LYST: variants seen among roughly 807,000 people sequenced by gnomAD.
LYST encodes lysosomal-trafficking regulator.
In LYST, 192 loss-of-function variants were observed where a neutral mutation model predicts 413.6. The ratio of observed to expected loss-of-function variants is 0.46; its 90% CI spans 0.41 to 0.52. LYST has a LOEUF of 0.52. Among genes scored for constraint, LYST ranks in the 20% least tolerant of loss-of-function variants. The pLI, the probability that LYST is intolerant of heterozygous loss-of-function variation, is 0.00. For synonymous variants in LYST, 1,525 were observed against 1,567.3 expected (o/e 0.97, Z 0.64); for missense variants, 3,815 against 4,499.9 (o/e 0.85, Z 4.35).
chr1:235,775,141 T>C (rs1572218507), intron 17 of LYST, 55 bp from the exon 18 acceptor site: 7 of 1,286,530 alleles, frequency 5.4e-6, no homozygotes, highest in East Asian at 2.3e-5. Context: ...AGAGTAAAAA[T>C]TTAACATGTA....
upstream of LYST, among the ~76,000 whole-genome samples, chr1:235,870,924 A>G (rs558660953): frequency 6.6e-5 from 10 of 152,354 alleles, no homozygotes; most frequent in East Asian, 1.9e-3. Flanking sequence ...GGGAACAGAA[A>G]TGGATTTGTG....
In LYST at chr1:235,760,326, G is replaced by A. The variant is rs1022747242; in HGVS notation, c.6254-727C>T. 2.3e-3 allele frequency among the ~76,000 whole-genome samples: 343 copies of A among 152,230 alleles called. 1 individual carries two copies. Among genetic ancestry groups the A allele is most frequent in the African/African-American group, 7.7e-3 (320 of 41,552 alleles). On this transcript the variant is annotated intron_variant, in intron 22 of 52. Transcript: ENST00000389793. Reference sequence around the variant, plus strand: ...GCATAGAGCTCAACATATAACAGGTGCTCAAAAAATGGTAGTACTTGTTGT... The same window carrying A: ...GCATAGAGCTCAACATATAACAGGTACTCAAAAAATGGTAGTACTTGTTGT...
At chr1:235,729,854 G>T (rs943010801) in intron 36 of LYST, among the ~76,000 whole-genome samples, 197 bp from the exon 37 acceptor site, 5 of 152,058 alleles carry the variant, frequency 3.3e-5, no homozygotes, top group Non-Finnish European at 7.4e-5. Flanking sequence ...TGACTGAAAC[G>T]CCTAGAAAAG....
chr1:235,747,082 T>A, intron 28 of LYST: 1 of 277,590 alleles, frequency 3.6e-6, no homozygotes, highest in Non-Finnish European at 7.2e-6. Context: ...TATGCATCAT[T>A]TGGAATTCAA....
intron 39 of LYST, among the ~76,000 whole-genome samples, chr1:235,722,593 C>T (rs1663482091): frequency 6.6e-6 from 1 of 152,186 alleles, no homozygotes; most frequent in African/African-American, 2.4e-5. Context: ...TCAAGTGATT[C>T]TCCTGCCTCA....
intron 45 of LYST, among the ~76,000 whole-genome samples, chr1:235,697,611 T>G (rs1205456442): frequency 1.3e-5 from 2 of 152,218 alleles, no homozygotes; most frequent in African/African-American, 4.8e-5. Flanking sequence ...ACTGGAGGAC[T>G]GTAATTTGGT....
In LYST at chr1:235,733,629, T is replaced by C. The variant is rs751121624; in HGVS notation, c.8675A>G (p.Gln2892Arg). 6.2e-7 allele frequency: 1 copy of C among 1,613,756 alleles called. No individual in the cohort carries two copies. The highest frequency in any genetic ancestry group is 8.5e-7 in the Non-Finnish European group (1 of 1,179,696). Residue 2892 changes from glutamine to arginine, a missense_variant, in exon 34 of 53, where the codon CAG (glutamine) becomes CGG (arginine). By Grantham distance (43) the Gln-to-Arg change is conservative. This residue lies in a region of LYST where 866 missense variants were observed against 1,156.0 expected (regional missense o/e 0.75). Transcript: ENST00000389793. ...ATTTCCTTGGGAGAGAGACACTGCC[T>C]GGGTGATATCTGCAGCTATTTTAGA... is the stretch of plus-strand genomic sequence containing the variant. ...DISKIAADIT[Q>R]AVSLSQGNER...
chr1:235,849,177 G>C (rs1678236232), intron 1 of LYST, among the ~76,000 whole-genome samples: 1 of 152,150 alleles, frequency 6.6e-6, no homozygotes, highest in South Asian at 2.1e-4. Context: ...CCATGATCAA[G>C]TGGGTTTCAT....
At chr1:235,837,018 C>T (rs1676650564) in intron 1 of LYST, among the ~76,000 whole-genome samples, 1 of 152,178 alleles carries the variant, frequency 6.6e-6, no homozygotes, top group Non-Finnish European at 1.5e-5. Context: ...GTGCTGTTCA[C>T]CGGAGCTTTC....
chr1:235,749,452 G>C (rs1267394751), intron 28 of LYST, among the ~76,000 whole-genome samples: 1 of 151,980 alleles, frequency 6.6e-6, no homozygotes, highest in Non-Finnish European at 1.5e-5. Context: ...GAGAGAGATG[G>C]GTCCTAAGAG....
chr1:235,834,620 T>C (rs1158427385), intron 1 of LYST, among the ~76,000 whole-genome samples: 1 of 152,176 alleles, frequency 6.6e-6, no homozygotes, highest in East Asian at 1.9e-4. Flanking sequence ...CCAGTTCTTG[T>C]ACCACACATT....
intron 16 of LYST, among the ~76,000 whole-genome samples, chr1:235,778,212 C>A (rs113018128): frequency 0.027 from 4,025 of 150,210 alleles, 177 homozygotes; most frequent in African/African-American, 0.095. Context: ...TCCCAGAGTG[C>A]TGGGATTATA....
chr1:235,828,400 C>T (rs1225023101), intron 3 of LYST, among the ~76,000 whole-genome samples: 2 of 152,094 alleles, frequency 1.3e-5, no homozygotes, highest in East Asian at 1.9e-4. Flanking sequence ...GAATTGTACA[C>T]ATAAAATGGG....
chr1:235,782,414 C>T (rs980639064), intron 14 of LYST, among the ~76,000 whole-genome samples: 1 of 151,922 alleles, frequency 6.6e-6, no homozygotes, highest in Non-Finnish European at 1.5e-5. Flanking sequence ...ACCTCATGAT[C>T]CACCCGCCTT....
intron 1 of LYST, among the ~76,000 whole-genome samples, chr1:235,848,414 G>A (rs1678138833): frequency 6.6e-6 from 1 of 152,038 alleles, no homozygotes; most frequent in Non-Finnish European, 1.5e-5. Context: ...AGTCCTAAAT[G>A]CCTACATCAA....
intron 3 of LYST, among the ~76,000 whole-genome samples, chr1:235,816,954 T>C (rs1389914398): frequency 6.6e-6 from 1 of 151,962 alleles, no homozygotes; most frequent in African/African-American, 2.4e-5. Flanking sequence ...TGGGAGAAAA[T>C]ATTTGCAAAC....
chr1:235,816,451 A>C, intron 3 of LYST, among the ~76,000 whole-genome samples: 1 of 132,390 alleles, frequency 7.6e-6, no homozygotes, highest in Non-Finnish European at 1.6e-5. Flanking sequence ...AAAAAAAATA[A>C]ATAAATAAAA....
chr1:235,735,079 T>C (rs972693411), intron 31 of LYST: 10 of 152,372 alleles, frequency 6.6e-5, no homozygotes, highest in African/African-American at 2.4e-4. Flanking sequence ...AATTTTTTCA[T>C]ATAAAATATA....
intron 45 of LYST, among the ~76,000 whole-genome samples, chr1:235,698,616 A>C (rs1212470124): frequency 6.6e-6 from 1 of 152,186 alleles, no homozygotes; most frequent in Non-Finnish European, 1.5e-5. Flanking sequence ...TCAAGCCTGT[A>C]ATCCCAGCAC....
Sources: allele counts gnomAD v4.1 joint callset (sites outside exome capture counted in the v4.1 genomes callset), GRCh38; gene constraint gnomAD v4.1.1; regional missense constraint gnomAD v4.1.1; transcripts MANE v1.5; gene names NCBI Gene and HGNC (gene_info 2026-07-23, HGNC 2026-07-21).